STAT5B: variants seen among roughly 807,000 people sequenced by gnomAD.
STAT5B encodes transcription factor STAT5B.
Under a neutral mutation model 107.8 loss-of-function variants are expected in STAT5B, and 21 were observed. The observed-to-expected ratio is 0.19, with a 90% CI of 0.14 to 0.28. STAT5B has a LOEUF of 0.28. Among genes scored for constraint, STAT5B ranks in the 10% least tolerant of loss-of-function variants. The probability of loss-of-function intolerance (pLI) is 1.00; values close to 1 mark genes in which losing one functional copy is unlikely to be tolerated. For missense variants in STAT5B, 565 were observed against 1,008.2 expected, an observed-to-expected ratio of 0.56 and a Z score of 5.95; for synonymous variants, 325 against 401.7, an observed-to-expected ratio of 0.81 and a Z score of 2.28.
At chr17:42,204,457 C>T (rs1008800845) in intron 16 of STAT5B, among the ~76,000 whole-genome samples, 6 of 152,180 alleles carry the variant, frequency 3.9e-5, no homozygotes, top group Non-Finnish European at 7.3e-5. Context: ...GAGGGTGAAA[C>T]GCTGCAGGGT....
At chr17:42,250,423 C>A (rs1424238216) in intron 1 of STAT5B, among the ~76,000 whole-genome samples, 2 of 152,104 alleles carry the variant, frequency 1.3e-5, no homozygotes, top group African/African-American at 4.8e-5. Flanking sequence ...GTGTTGGAAA[C>A]AAAATAAATG....
chr17:42,287,332 C>CCCG, the STAT5B span, among the ~76,000 whole-genome samples: 1 of 150,144 alleles, frequency 6.7e-6, no homozygotes, highest in African/African-American at 2.5e-5. Context: ...GAGAATGCAC[C>CCCG]CCCCCCAACA....
At chr17:42,210,640 T>G in intron 13 of STAT5B, 143 bp from the exon 14 acceptor site, 2 of 789,026 alleles carry the variant, frequency 2.5e-6, no homozygotes, top group Non-Finnish European at 4.3e-6. Context: ...ACCTGAGTTT[T>G]ACCTAATGGC....
At chr17:42,288,101 T>C in the STAT5B span, 1 of 152,342 alleles carries the variant, frequency 6.6e-6, no homozygotes, top group South Asian at 2.1e-4. The surrounding 1 kb of genome is among the most constrained non-coding windows in gnomAD (Gnocchi z 4.8). Context: ...CGTCGCCAAT[T>C]GGTCCACTTT....
At chr17:42,276,495 T>G (rs2080768183), upstream of STAT5B, 1 of 149,624 alleles carries the variant, frequency 6.7e-6, no homozygotes, top group Non-Finnish European at 1.5e-5. The surrounding 1 kb of genome is among the most constrained non-coding windows in gnomAD (Gnocchi z 4.8). Context: ...GCTTCCTGGT[T>G]CCGCCCGGCG....
chr17:42,223,637 C>T, intron 4 of STAT5B, 81 bp from the exon 5 acceptor site: 1 of 1,562,728 alleles, frequency 6.4e-7, no homozygotes, highest in Non-Finnish European at 8.7e-7. Flanking sequence ...AAGCCAGCTC[C>T]TACAACCAGG....
At chr17:42,278,995 T>A (rs1373415463), upstream of STAT5B, among the ~76,000 whole-genome samples, 2 of 145,948 alleles carry the variant, frequency 1.4e-5, no homozygotes, top group African/African-American at 5.1e-5. Flanking sequence ...AAAAAAAATA[T>A]TTGTAAAGAC....
intron 5 of STAT5B, among the ~76,000 whole-genome samples, chr17:42,220,527 G>A (rs1260723103): frequency 6.6e-6 from 1 of 152,106 alleles, no homozygotes; most frequent in Non-Finnish European, 1.5e-5. Context: ...CCCTCCTCAG[G>A]GGAGGATGAG....
chr17:42,263,871 G>GCGCGCGCGCA (rs1007528555), intron 1 of STAT5B, among the ~76,000 whole-genome samples: 10 of 145,030 alleles, frequency 6.9e-5, no homozygotes, highest in African/African-American at 2.1e-4. Context: ...TAGAAAGCGC[G>GCGCGCGCGCA]CACACACACA....
At chr17:42,265,806 T>A (rs2080665978) in intron 1 of STAT5B, among the ~76,000 whole-genome samples, 1 of 152,204 alleles carries the variant, frequency 6.6e-6, no homozygotes, top group Admixed American at 6.5e-5. Flanking sequence ...TCTTCATAAA[T>A]CTGTTAACTG....
chr17:42,274,599 A>T (rs531494142), intron 1 of STAT5B, among the ~76,000 whole-genome samples: 2 of 152,230 alleles, frequency 1.3e-5, no homozygotes, highest in Admixed American at 6.5e-5. Context: ...AAATAAAATC[A>T]ATCAATAAGA....
chr17:42,205,316 C>A (rs146748489), intron 16 of STAT5B, among the ~76,000 whole-genome samples: 5,602 of 152,124 alleles, frequency 0.037, 322 homozygotes, highest in African/African-American at 0.13. Context: ...CAGGCATGAG[C>A]CACCATGCCC....
At chr17:42,211,523 T>A (rs529797728) in intron 13 of STAT5B, among the ~76,000 whole-genome samples, 1 of 151,452 alleles carries the variant, frequency 6.6e-6, no homozygotes, top group East Asian at 1.9e-4. Flanking sequence ...AAAAAATGAA[T>A]AAAAATAAAA....
chr17:42,220,924 G>A (rs1379866294), intron 5 of STAT5B, among the ~76,000 whole-genome samples: 3 of 138,508 alleles, frequency 2.2e-5, no homozygotes, highest in Non-Finnish European at 4.7e-5. Flanking sequence ...CCCTCCCAGC[G>A]ACAGCCCGTC....
chr17:42,214,944 G>A (rs955869888), intron 12 of STAT5B, among the ~76,000 whole-genome samples: 1 of 152,042 alleles, frequency 6.6e-6, no homozygotes, highest in Non-Finnish European at 1.5e-5. Context: ...GTAGAGACAG[G>A]ATTTTGCTAT....
chr17:42,257,609 G>A (rs899313251), intron 1 of STAT5B, among the ~76,000 whole-genome samples: 19 of 152,282 alleles, frequency 1.2e-4, no homozygotes, highest in African/African-American at 4.1e-4. Flanking sequence ...TTTCATGATT[G>A]CCACAATCAA....
chr17:42,212,481 T>C (rs1005498067), intron 12 of STAT5B, among the ~76,000 whole-genome samples: 1 of 152,214 alleles, frequency 6.6e-6, no homozygotes, highest in Non-Finnish European at 1.5e-5. Context: ...AACCAAAACA[T>C]AACCAAGGTC....
chr17:42,218,047 C>A (rs939367785), intron 9 of STAT5B, 104 bp downstream of exon 9: 2 of 1,540,922 alleles, frequency 1.3e-6, no homozygotes, highest in African/African-American at 2.7e-5. Context: ...CCAGAAGAGG[C>A]CAGAAGGGCA....
intron 16 of STAT5B, among the ~76,000 whole-genome samples, chr17:42,206,141 G>A (rs771896145): frequency 6.6e-6 from 1 of 152,100 alleles, no homozygotes; most frequent in Non-Finnish European, 1.5e-5. Context: ...TCGGCTCACT[G>A]CAACTTCTGC....
Sources: allele counts gnomAD v4.1 joint callset (sites outside exome capture counted in the v4.1 genomes callset), GRCh38; gene constraint gnomAD v4.1.1; non-coding constraint Gnocchi (gnomAD v3.1); transcripts MANE v1.5; gene names NCBI Gene and HGNC (gene_info 2026-07-23, HGNC 2026-07-21).